Variants in RHEB observed in about 807,000 individuals in gnomAD.
RHEB encodes the protein Ras homolog, mTORC1 binding.
In RHEB, 2 loss-of-function variants were observed where a neutral mutation model predicts 28.8. The observed-to-expected ratio is 0.07, with a 90% confidence interval of 0.03 to 0.22. The LOEUF (loss-of-function observed/expected upper bound fraction) is 0.22. Ranked by LOEUF, RHEB falls within the 10% of genes least tolerant of loss-of-function variation. The pLI is 1.00. For synonymous variants in RHEB, 69 were observed against 77.3 expected (o/e 0.89, Z 0.56); for missense variants, 76 against 219.9 (o/e 0.35, Z 4.14).
intron 6 of RHEB, among the ~76,000 whole-genome samples, chr7:151,471,064 G>A (rs1802153786): frequency 6.6e-6 from 1 of 152,234 alleles, no homozygotes; most frequent in Non-Finnish European, 1.5e-5. Flanking sequence ...TGCCTGGGCA[G>A]GGGACATCTG....
chr7:151,491,622 A>T (rs539277302), intron 1 of RHEB, among the ~76,000 whole-genome samples: 2 of 152,262 alleles, frequency 1.3e-5, no homozygotes, highest in South Asian at 2.1e-4. Context: ...CTGTAATCCC[A>T]GCTACTTGGG....
chr7:151,511,861 G>C (rs1245531445), intron 1 of RHEB, among the ~76,000 whole-genome samples: 2 of 152,150 alleles, frequency 1.3e-5, no homozygotes, highest in African/African-American at 2.4e-5. Context: ...AGGTTGGCCA[G>C]GCTGGTCTCG....
At position 151,502,655 on chromosome 7, in the gene RHEB, T is replaced by C. The variant is rs1802793602; in HGVS notation, c.53-11641A>G. 4 of 1,608,868 alleles carry C rather than the reference T, an allele frequency of 2.5e-6. No individual in the cohort carries two copies. In the Admixed American group the frequency reaches 5.0e-5, roughly 20 times the overall value. On this transcript the variant is annotated intron_variant, in intron 1 of 7. Coordinates refer to ENST00000262187, the MANE Select transcript of RHEB (RefSeq NM_005614.4). ...GTAATAGATGGTAGTGGTGCACTTT[T>C]TGGCACACTCCAAGGAAACACAAGA... is the stretch of plus-strand genomic sequence containing the variant.
chr7:151,513,896 G>T (rs1385451757), intron 1 of RHEB, among the ~76,000 whole-genome samples: 1 of 152,128 alleles, frequency 6.6e-6, no homozygotes, highest in Non-Finnish European at 1.5e-5. Context: ...GCAGAAACTG[G>T]CAATCTAGTC....
Position 151,519,606 on chromosome 7 carries a change from G to C in RHEB, c.-95C>G, listed in dbSNP as rs979986008. The C allele has an allele frequency of 7.9e-6, 10 of 1,258,404 alleles. No homozygotes were observed. The East Asian group carries it at 2.6e-4, about 33-fold the overall frequency. 78.0% of individuals were successfully genotyped at this position (1,258,404 alleles called of 1,614,324 possible). On this transcript the variant is annotated 5_prime_UTR_variant, in exon 1 of 8. Coordinates refer to ENST00000262187, the MANE Select transcript of RHEB (RefSeq NM_005614.4). ...GGCGGCGGCCGCGCCGGGAGAGAGC[G>C]GCATACAGAGCAGGGGCGGCGGCGG...
intron 2 of RHEB, among the ~76,000 whole-genome samples, chr7:151,488,047 C>T (rs749380212): frequency 2.0e-5 from 3 of 152,178 alleles, no homozygotes; most frequent in Non-Finnish European, 2.9e-5. Context: ...TTCTGGAAGG[C>T]GCTTTGTCAT....
intron 3 of RHEB, 78 bp downstream of exon 3, chr7:151,484,659 G>C: frequency 1.9e-6 from 2 of 1,059,040 alleles, no homozygotes; most frequent in Non-Finnish European, 2.9e-6. Flanking sequence ...GGCATAGCTG[G>C]TACTTTTAAA....
At position 151,500,116 on chromosome 7, in the gene RHEB, A is replaced by T. The variant is rs185457196; in HGVS notation, c.53-9102T>A. Among the ~76,000 whole-genome samples, 762 of 152,292 alleles carry T rather than the reference A, an allele frequency of 5.0e-3. 12 individuals are homozygous for T. The highest frequency in any genetic ancestry group is 0.017 in the African/African-American group (724 of 41,566). On this transcript the variant is annotated intron_variant, in intron 1 of 7. Coordinates refer to ENST00000262187, the MANE Select transcript of RHEB (RefSeq NM_005614.4). Reference sequence around the variant, plus strand: ...CTGTGCCTGGCCTGAAAATGTCTTTAAAAAAACATGCTGAAGATTTACTTT... The same window carrying T: ...CTGTGCCTGGCCTGAAAATGTCTTTTAAAAAACATGCTGAAGATTTACTTT...
At chr7:151,490,070 G>A (rs1245430088) in intron 2 of RHEB, among the ~76,000 whole-genome samples, 3 of 152,182 alleles carry the variant, frequency 2.0e-5, no homozygotes, top group Non-Finnish European at 4.4e-5. Flanking sequence ...TAGTTCCAGG[G>A]CCCACCTGGG....
intron 2 of RHEB, among the ~76,000 whole-genome samples, chr7:151,490,221 T>G (rs1027793850): frequency 2.0e-5 from 3 of 152,184 alleles, no homozygotes; most frequent in African/African-American, 2.4e-5. Flanking sequence ...GAGGATCACT[T>G]GAGTCCAGGA....
intron 2 of RHEB, among the ~76,000 whole-genome samples, chr7:151,486,206 T>C (rs1486458074): frequency 6.6e-6 from 1 of 152,198 alleles, no homozygotes; most frequent in Non-Finnish European, 1.5e-5. Flanking sequence ...GAGAAGTATG[T>C]AAGAAACACT....
chr7:151,511,584 T>A (rs538435792), intron 1 of RHEB, among the ~76,000 whole-genome samples: 191 of 152,040 alleles, frequency 1.3e-3, no homozygotes, highest in Middle Eastern at 6.8e-3. Flanking sequence ...TTTTTTTTTT[T>A]AATAACCAGA....
At chr7:151,488,811 T>C (rs535765176) in intron 2 of RHEB, among the ~76,000 whole-genome samples, 53 of 152,308 alleles carry the variant, frequency 3.5e-4, no homozygotes, top group Non-Finnish European at 5.4e-4. Context: ...CTCAAAAAAG[T>C]AGGGTCATAT....
chr7:151,512,801 T>C (rs1475823347), intron 1 of RHEB, among the ~76,000 whole-genome samples: 1 of 152,214 alleles, frequency 6.6e-6, no homozygotes, highest in Non-Finnish European at 1.5e-5. Context: ...TGTGGACCTC[T>C]AAGGGGTTTA....
At chr7:151,470,995 C>G (rs1394486230) in intron 6 of RHEB, among the ~76,000 whole-genome samples, 1 of 152,218 alleles carries the variant, frequency 6.6e-6, no homozygotes, top group Non-Finnish European at 1.5e-5. Context: ...GTGAAAGAGC[C>G]TGAAAGCTCA....
chr7:151,467,345 G>A lies in RHEB; in HGVS notation c.463-134C>T. 8 of 667,930 alleles carry A rather than the reference G, an allele frequency of 1.2e-5. No individual in the cohort carries two copies. In the South Asian group the frequency reaches 1.4e-4, roughly 12 times the overall value. The allele number at this position is 667,930 out of a possible 1,614,324, so 41.4% of individuals were successfully genotyped here. A position where few individuals can be genotyped will look rare whatever the true frequency, so the allele number is the denominator to read the frequency against. ...GGAGGAGGGGTTCTGGTGAGCCCCA[G>A]AACTTCAGGGCCCCCCGACGCCCAG... On this transcript the variant is annotated intron_variant, in intron 7 of 7. Transcript: ENST00000262187.
intron 6 of RHEB, among the ~76,000 whole-genome samples, chr7:151,471,047 A>AT: frequency 6.6e-6 from 1 of 152,382 alleles, no homozygotes; most frequent in South Asian, 2.1e-4. Flanking sequence ...CCTCTCTGAC[A>AT]TGAAGCTGCC....
chr7:151,486,220 G>A (rs149853368), intron 2 of RHEB, among the ~76,000 whole-genome samples: 86 of 152,296 alleles, frequency 5.6e-4, no homozygotes, highest in Middle Eastern at 3.4e-3. Flanking sequence ...AAACACTGGT[G>A]AGCAATAAAA....
chr7:151,502,506 A>C, intron 1 of RHEB: 1 of 931,916 alleles, frequency 1.1e-6, no homozygotes. Context: ...GGAAAGGAAA[A>C]GAAAGTCAAC....
Sources: allele counts gnomAD v4.1 joint callset (sites outside exome capture counted in the v4.1 genomes callset), GRCh38; gene constraint gnomAD v4.1.1; transcripts MANE v1.5; gene names NCBI Gene and HGNC (gene_info 2026-07-23, HGNC 2026-07-21).